The following ZC3HAV1 variants were observed in gnomAD, a reference collection of about 807,000 sequenced individuals.
ZC3HAV1 encodes the protein zinc finger CCCH-type containing, antiviral 1.
In ZC3HAV1, 41 loss-of-function variants were observed where a neutral mutation model predicts 86.6. That is an observed-to-expected ratio of 0.47 (90% CI 0.37 to 0.61). ZC3HAV1 has a LOEUF of 0.61. Ranked by LOEUF, ZC3HAV1 falls within the 20% of genes least tolerant of loss-of-function variation. The pLI is 0.00. For synonymous variants in ZC3HAV1, 421 were observed against 432.1 expected (o/e 0.97, Z 0.32); for missense variants, 964 against 1,141.1 (o/e 0.84, Z 2.24).
rs757301345 is a variant in ZC3HAV1, at chr7:139,053,977, T to C, written c.2306A>G (p.Asp769Gly). 6.2e-6 allele frequency: 10 copies of C among 1,604,522 alleles called. No individual in the cohort carries two copies. The highest frequency in any genetic ancestry group is 7.6e-6 in the Non-Finnish European group (9 of 1,177,926). ...CGTGGCCACCAACCATGTAAATTTATCCAGGAGCTCTGAGTTCTCGATCTT... is the reference window on the plus strand; with the variant it reads ...CGTGGCCACCAACCATGTAAATTTACCCAGGAGCTCTGAGTTCTCGATCTT... ...IKKIENSELLDKFTWKKSQMK... is the reference protein window; with the variant it reads ...IKKIENSELLGKFTWKKSQMK... The change falls in exon 11 of 13, where the codon GAT becomes GGT. Residue 769 changes from aspartate to glycine, a missense_variant. By Grantham distance (94) the Asp-to-Gly change is moderately conservative. Transcript: ENST00000242351.
chr7:139,062,405 T>G lies in ZC3HAV1; in HGVS notation c.1994-1267A>C, dbSNP rs138499305. Among the ~76,000 whole-genome samples, 83 of 152,328 alleles carry G rather than the reference T, an allele frequency of 5.4e-4. No homozygotes were observed. The East Asian group carries it at 0.015, about 28-fold the overall frequency. On this transcript the variant is annotated intron_variant, in intron 8 of 12. Transcript: ENST00000242351. ...TGGTCTGTACCTTCCAGCCTTAGCC[T>G]TAGTTCTTCCTCCTCCTGGAGCGCC...
At chr7:139,073,255 C>T (rs1426286097) in intron 7 of ZC3HAV1, among the ~76,000 whole-genome samples, 2 of 151,822 alleles carry the variant, frequency 1.3e-5, no homozygotes, top group Non-Finnish European at 2.9e-5. Flanking sequence ...GCCAAGATAA[C>T]GCCATTGCAC....
chr7:139,059,614 C>CA (rs57613588), intron 9 of ZC3HAV1, among the ~76,000 whole-genome samples: 16,699 of 109,852 alleles, frequency 0.15, 1,137 homozygotes, highest in East Asian at 0.46. Context: ...AAGACTCTGT[C>CA]AAAAAAAAAA....
Position 139,078,539 on chromosome 7 carries a change from T to TG in ZC3HAV1, c.1573+12_1573+13insC. 6.3e-7 allele frequency: 1 copy of TG among 1,585,684 alleles called. No homozygotes were observed. The highest frequency in any genetic ancestry group is 1.4e-5 in the African/African-American group (1 of 73,354). On this transcript the variant is annotated intron_variant, in intron 5 of 12. Transcript: ENST00000242351. ...AAGGTGGAAGCTTACAGAAAAGTCC[T>TG]TAGGTTACTCACCATTAAGCGGACA...
intron 8 of ZC3HAV1, among the ~76,000 whole-genome samples, chr7:139,062,163 G>A (rs113553896): frequency 6.6e-6 from 1 of 152,156 alleles, no homozygotes; most frequent in Non-Finnish European, 1.5e-5. Flanking sequence ...TGCTTAGGGT[G>A]GTGGTTACAC....
rs201733346 is a variant in ZC3HAV1, at chr7:139,086,079, A to ATC, written c.445-2049_445-2048dup. 3.0e-3 allele frequency among the ~76,000 whole-genome samples: 455 copies of ATC among 152,070 alleles called. 9 individuals carry two copies. Among genetic ancestry groups the ATC allele is most frequent in the East Asian group, 0.022 (112 of 5,170 alleles). On this transcript the variant is annotated intron_variant, in intron 2 of 12. Coordinates refer to ENST00000242351, the MANE Select transcript of ZC3HAV1 (RefSeq NM_020119.4). ...GCAAATCTGCAGGGATAATTCCTCC[A>ATC]TCTTTAGAGAGCCATCCTGGACCAA...
At chr7:139,068,024 T>TTATTA (rs1816655839) in intron 7 of ZC3HAV1, among the ~76,000 whole-genome samples, 1 of 142,046 alleles carries the variant, frequency 7.0e-6, no homozygotes, top group Non-Finnish European at 1.5e-5. Flanking sequence ...TCTTTCTTTC[T>TTATTA]TTATTATTAT....
At chr7:139,063,675 G>T (rs1816511613) in intron 8 of ZC3HAV1, among the ~76,000 whole-genome samples, 1 of 144,534 alleles carries the variant, frequency 6.9e-6, no homozygotes, top group Non-Finnish European at 1.5e-5. Context: ...AGTGAGCCGT[G>T]ATGGCATCAC....
intron 11 of ZC3HAV1, 102 bp from the exon 12 acceptor site, chr7:139,053,683 C>G (rs1816202018): frequency 7.0e-7 from 1 of 1,425,032 alleles, no homozygotes; most frequent in African/African-American, 1.4e-5. Flanking sequence ...AATTTCACTC[C>G]ATCAGCTTTC....
In ZC3HAV1 at chr7:139,046,106, GAAGGAA is replaced by G. The variant is rs569314700; in HGVS notation, c.*1482_*1487del. 40 of 151,998 alleles carry G rather than the reference GAAGGAA, an allele frequency of 2.6e-4. No homozygotes were observed. The highest frequency in any genetic ancestry group is 9.6e-4 in the African/African-American group (40 of 41,486). 9.4% of individuals were successfully genotyped at this position (151,998 alleles called of 1,614,324 possible). Reference sequence around the variant, plus strand: ...AAGGAATGTTGAAAAGGGAAAATCAGAAGGAAAAACCTGGTTCATAAGAAGGAAGGA... The same window carrying G: ...AAGGAATGTTGAAAAGGGAAAATCAGAAACCTGGTTCATAAGAAGGAAGGA... On this transcript the variant is annotated 3_prime_UTR_variant, in exon 13 of 13. Transcript: ENST00000242351.
chr7:139,058,297 T>TA (rs1163610851), intron 9 of ZC3HAV1, among the ~76,000 whole-genome samples: 1 of 151,622 alleles, frequency 6.6e-6, no homozygotes, highest in Non-Finnish European at 1.5e-5. Context: ...TATTAAAAAA[T>TA]AAAAAAATTA....
intron 1 of ZC3HAV1, among the ~76,000 whole-genome samples, chr7:139,101,875 G>T (rs1489202523): frequency 2.0e-5 from 3 of 151,954 alleles, no homozygotes; most frequent in Non-Finnish European, 4.4e-5. Context: ...CACTGCGGAA[G>T]GCCGCAGGGT....
chr7:139,054,405 C>A (rs536817789), intron 10 of ZC3HAV1, among the ~76,000 whole-genome samples: 1 of 152,278 alleles, frequency 6.6e-6, no homozygotes, highest in East Asian at 1.9e-4. Flanking sequence ...AATTGAGGTG[C>A]CATGCAGTCC....
At chr7:139,077,251 T>C (rs1816979288) in intron 5 of ZC3HAV1, among the ~76,000 whole-genome samples, 1 of 152,342 alleles carries the variant, frequency 6.6e-6, no homozygotes, top group Admixed American at 6.5e-5. Context: ...GTTTTTGTTT[T>C]TGTTTTGAGG....
In ZC3HAV1 at chr7:139,089,695, C is replaced by G; in HGVS notation, c.373G>C (p.Glu125Gln). ...EENFKVLKNH[E>Q]LSGLNKEELA... ...TCCTCTTTGTTCAGTCCAGAGAGTT[C>G]GTGATTTTTCAGGACTTTGAAGTTC... is the stretch of plus-strand genomic sequence containing the variant. The change falls in exon 2 of 13, where the codon GAA (glutamate) becomes CAA (glutamine). Residue 125 changes from glutamate (E) to glutamine (Q), a missense_variant. Transcript: ENST00000242351. 1 of 1,612,662 alleles carries G rather than the reference C, an allele frequency of 6.2e-7. No individual in the cohort carries two copies. Among genetic ancestry groups the G allele is most frequent in the Non-Finnish European group, 8.5e-7 (1 of 1,179,472 alleles).
At chr7:139,053,849 C>G in intron 11 of ZC3HAV1, 116 bp downstream of exon 11, 2 of 1,155,560 alleles carry the variant, frequency 1.7e-6, no homozygotes, top group Admixed American at 3.3e-5. Context: ...AAAAGACTAG[C>G]GCCTAAAGGA....
chr7:139,097,141 A>T (rs1436645782), intron 1 of ZC3HAV1, among the ~76,000 whole-genome samples: 7 of 151,716 alleles, frequency 4.6e-5, no homozygotes, highest in African/African-American at 1.7e-4. Context: ...CTGTCTAAAA[A>T]AATAATAATA....
rs1321077449 is a variant in ZC3HAV1, at chr7:139,109,352, T to C, written c.-21A>G. 20 of 1,548,858 alleles carry C rather than the reference T, an allele frequency of 1.3e-5. No individual in the cohort carries two copies. Among genetic ancestry groups the C allele is most frequent in the Non-Finnish European group, 1.7e-5 (20 of 1,148,426 alleles). ...GCCATGGCGCGCTGGCTGTGCTGGCTCTGCCGCGGCGCGGGACTCGGTTCC... is the reference window on the plus strand; with the variant it reads ...GCCATGGCGCGCTGGCTGTGCTGGCCCTGCCGCGGCGCGGGACTCGGTTCC... On this transcript the variant is annotated 5_prime_UTR_variant, in exon 1 of 13. Transcript: ENST00000242351.
In ZC3HAV1 at chr7:139,047,463, G is replaced by A; in HGVS notation, c.*131C>T. On this transcript the variant is annotated 3_prime_UTR_variant, in exon 13 of 13. Transcript: ENST00000242351. ...ATGATTCTAATATGTAGCAAAATTT[G>A]GGGACCACTGATCTAAGACATTAGA... The A allele has an allele frequency of 7.7e-7, 1 of 1,298,896 alleles. No homozygotes were observed. Among genetic ancestry groups the A allele is most frequent in the East Asian group, 2.4e-5 (1 of 41,596 alleles). The allele number at this position is 1,298,896 out of a possible 1,614,324, so 80.5% of individuals were successfully genotyped here. A position where few individuals can be genotyped will look rare whatever the true frequency, so the allele number is the denominator to read the frequency against.
Sources: allele counts gnomAD v4.1 joint callset (sites outside exome capture counted in the v4.1 genomes callset), GRCh38; gene constraint gnomAD v4.1.1; transcripts MANE v1.5; gene names NCBI Gene and HGNC (gene_info 2026-07-23, HGNC 2026-07-21).